Variants in BCKDHB observed in about 807,000 individuals in gnomAD.
BCKDHB encodes the protein branched chain keto acid dehydrogenase E1 subunit beta, also known as 2-oxoisovalerate dehydrogenase subunit beta, mitochondrial.
In BCKDHB, 41 loss-of-function variants were observed where a neutral mutation model predicts 48.5. The observed-to-expected ratio is 0.85, with a 90% CI of 0.66 to 1.10. BCKDHB has a LOEUF of 1.10. Among genes scored for constraint, BCKDHB ranks in the 50% least tolerant of loss-of-function variants. The pLI is 0.00. For missense variants in BCKDHB, 496 were observed against 494.2 expected, an observed-to-expected ratio of 1.00 and a Z score of -0.03; for synonymous variants, 201 against 174.8, an observed-to-expected ratio of 1.15 and a Z score of -1.18.
intron 9 of BCKDHB, among the ~76,000 whole-genome samples, chr6:80,332,706 T>TAA (rs201659861): frequency 0.45 from 62,843 of 139,300 alleles, 15,095 homozygotes; most frequent in Admixed American, 0.59. Context: ...ACCCTTATAG[T>TAA]AAAAAAAAAA....
intron 9 of BCKDHB, among the ~76,000 whole-genome samples, chr6:80,311,682 A>G (rs779625486): frequency 3.3e-5 from 5 of 152,110 alleles, no homozygotes; most frequent in African/African-American, 7.2e-5. Flanking sequence ...TAAAACAGGG[A>G]ATTTTTTCTC....
At chr6:80,361,878 C>G in the BCKDHB span, among the ~76,000 whole-genome samples, 2 of 152,322 alleles carry the variant, frequency 1.3e-5, no homozygotes, top group East Asian at 3.9e-4. Context: ...GAGGCAGATT[C>G]TGAGAGAAAG....
chr6:80,231,999 A>G (rs1222081792), intron 8 of BCKDHB, among the ~76,000 whole-genome samples: 4 of 152,250 alleles, frequency 2.6e-5, no homozygotes, highest in African/African-American at 9.6e-5. Flanking sequence ...TTCTAAAAAC[A>G]GAGTACATGT....
Position 80,159,402 on chromosome 6 carries a change from A to G in BCKDHB, c.344-8276A>G, listed in dbSNP as rs568581387. Among the ~76,000 whole-genome samples the G allele has an allele frequency of 1.6e-3, 239 of 152,320 alleles. 2 individuals are homozygous for G. The highest frequency in any genetic ancestry group is 4.6e-3 in the African/African-American group (191 of 41,580). On this transcript the variant is annotated intron_variant, in intron 3 of 9. Coordinates refer to ENST00000320393, the MANE Select transcript of BCKDHB (RefSeq NM_183050.4). ...TTAATTATTTTTAGTAACTCCTCAC[A>G]GTCTCAGAAGTATCCCAGTTTGTAT...
At chr6:80,266,986 C>T (rs1344803097) in intron 8 of BCKDHB, among the ~76,000 whole-genome samples, 1 of 151,832 alleles carries the variant, frequency 6.6e-6, no homozygotes, top group African/African-American at 2.4e-5. Context: ...TAGAGACCAC[C>T]ACCACCCCCC....
chr6:80,382,088 C>A, the BCKDHB span, among the ~76,000 whole-genome samples: 1 of 152,088 alleles, frequency 6.6e-6, no homozygotes, highest in Non-Finnish European at 1.5e-5. Flanking sequence ...GAAGAGGAAG[C>A]AGATGTTGAA....
In BCKDHB at chr6:80,344,020, A is replaced by T. The variant is rs1770056677; in HGVS notation, c.*216A>T. 1.7e-6 allele frequency: 1 copy of T among 572,796 alleles called. No individual in the cohort carries two copies. The highest frequency in any genetic ancestry group is 1.9e-5 in the African/African-American group (1 of 53,364). The allele number at this position is 572,796 out of a possible 1,614,324, so 35.5% of individuals were successfully genotyped here. On this transcript the variant is annotated 3_prime_UTR_variant, in exon 10 of 10. Coordinates refer to ENST00000320393, the MANE Select transcript of BCKDHB (RefSeq NM_183050.4). ...CATTTTTGTTGTTGTTGTTGTTCTG[A>T]GATGGAGTCTCACTCTGTCGCCCAG...
intron 9 of BCKDHB, among the ~76,000 whole-genome samples, chr6:80,319,285 T>C (rs1768595539): frequency 6.6e-6 from 1 of 152,210 alleles, no homozygotes; most frequent in East Asian, 1.9e-4. Context: ...TGGGCTTATA[T>C]GAATTTTTTA....
At chr6:80,210,922 C>T (rs556521377) in intron 8 of BCKDHB, among the ~76,000 whole-genome samples, 2 of 152,224 alleles carry the variant, frequency 1.3e-5, no homozygotes, top group South Asian at 4.2e-4. Flanking sequence ...AAGTGAGCTG[C>T]CGTGTTAACA....
rs113673973 is a variant in BCKDHB at position 80,179,294 on chromosome 6, T to A, written c.742+7904T>A. 1.1e-3 allele frequency among the ~76,000 whole-genome samples: 174 copies of A among 152,278 alleles called. 1 individual carries two copies. Among genetic ancestry groups the A allele is most frequent in the African/African-American group, 3.9e-3 (161 of 41,560 alleles). ...GATCTACTTTTTAACTGAATGGAAA[T>A]ATATACAGTTGGCGCTTTTTATCTG... On this transcript the variant is annotated intron_variant, in intron 6 of 9. Transcript: ENST00000320393.
At chr6:80,407,475 C>T in the BCKDHB span, among the ~76,000 whole-genome samples, 1 of 152,050 alleles carries the variant, frequency 6.6e-6, no homozygotes, top group East Asian at 1.9e-4. Flanking sequence ...GATATTGATT[C>T]TTCCTATCCA....
At chr6:80,320,600 G>A (rs1277580445) in intron 9 of BCKDHB, among the ~76,000 whole-genome samples, 1 of 152,206 alleles carries the variant, frequency 6.6e-6, no homozygotes, top group Non-Finnish European at 1.5e-5. Context: ...CGTTTCCAGG[G>A]TGGAGGCCTG....
At chr6:80,210,235 C>T (rs928843380) in intron 8 of BCKDHB, among the ~76,000 whole-genome samples, 2 of 140,912 alleles carry the variant, frequency 1.4e-5, no homozygotes, top group African/African-American at 5.7e-5. Flanking sequence ...GAGAATGGAT[C>T]AATAATAAGT....
chr6:80,176,697 G>A (rs950549012), intron 6 of BCKDHB, among the ~76,000 whole-genome samples: 4 of 152,048 alleles, frequency 2.6e-5, no homozygotes, highest in Admixed American at 6.5e-5. Context: ...CTAGTAGTGC[G>A]GTCTGAAAGC....
chr6:80,309,398 T>A (rs1279008005), intron 9 of BCKDHB, among the ~76,000 whole-genome samples: 1 of 152,188 alleles, frequency 6.6e-6, no homozygotes, highest in Non-Finnish European at 1.5e-5. Flanking sequence ...AATTTTAATA[T>A]TGGGAGCTAT....
intron 3 of BCKDHB, among the ~76,000 whole-genome samples, chr6:80,136,752 C>CAA (rs200577593): frequency 3.8e-4 from 58 of 151,328 alleles, no homozygotes; most frequent in African/African-American, 1.3e-3. Context: ...TAAAACTCTA[C>CAA]AAAAAAAACC....
chr6:80,363,376 T>A, the BCKDHB span, among the ~76,000 whole-genome samples: 7 of 152,212 alleles, frequency 4.6e-5, no homozygotes, highest in African/African-American at 1.4e-4. Flanking sequence ...GGTTAATATG[T>A]TTTTGGTTAC....
the BCKDHB span, among the ~76,000 whole-genome samples, chr6:80,371,310 G>A: frequency 3.0e-4 from 45 of 152,016 alleles, no homozygotes; most frequent in African/African-American, 1.1e-3. Context: ...GTCTATTCAT[G>A]TCCTTAGCCC....
intron 8 of BCKDHB, among the ~76,000 whole-genome samples, chr6:80,219,371 T>A (rs1056098207): frequency 7.2e-5 from 11 of 152,082 alleles, no homozygotes; most frequent in African/African-American, 2.7e-4. Flanking sequence ...GATGCACCAC[T>A]AATTTTGTAT....
Sources: gnomAD v4.1 joint callset for allele counts (sites outside exome capture counted in the v4.1 genomes callset) on GRCh38, gnomAD v4.1.1 for gene constraint, MANE v1.5 for transcripts, NCBI Gene and HGNC (gene_info 2026-07-23, HGNC 2026-07-21) for gene names.